Variants in RAB3GAP1 observed in about 807,000 individuals in gnomAD.
The protein encoded by RAB3GAP1 is RAB3 GTPase activating protein catalytic subunit 1.
Under a neutral mutation model 130.7 loss-of-function variants are expected in RAB3GAP1, and 86 were observed. The ratio of observed to expected loss-of-function variants is 0.66; its 90% CI spans 0.55 to 0.79. RAB3GAP1 has a LOEUF of 0.79. Among genes scored for constraint, RAB3GAP1 ranks in the 30% least tolerant of loss-of-function variants. The pLI, the probability that RAB3GAP1 is intolerant of heterozygous loss-of-function variation, is 0.00. For missense variants in RAB3GAP1, 1,029 were observed against 1,169.4 expected, an observed-to-expected ratio of 0.88 and a Z score of 1.75; for synonymous variants, 367 against 401.7, an observed-to-expected ratio of 0.91 and a Z score of 1.03.
At chr2:135,062,748 G>T (rs947013829) in intron 3 of RAB3GAP1, among the ~76,000 whole-genome samples, 1 of 152,122 alleles carries the variant, frequency 6.6e-6, no homozygotes, top group Non-Finnish European at 1.5e-5. Flanking sequence ...TATATCCTTT[G>T]TTAAATTTAT....
At chr2:135,115,860 G>A (rs1690954656) in intron 7 of RAB3GAP1, among the ~76,000 whole-genome samples, 1 of 152,168 alleles carries the variant, frequency 6.6e-6, no homozygotes, top group African/African-American at 2.4e-5. Context: ...GAGCAGCAGG[G>A]CTAAATGGGA....
In RAB3GAP1 at chr2:135,135,716, A is replaced by C. The variant is rs761977924; in HGVS notation, c.1707A>C (p.Gly569=). 18 of 1,613,976 alleles carry C rather than the reference A, an allele frequency of 1.1e-5. 1 individual carries two copies. In the South Asian group the frequency reaches 2.0e-4, roughly 18 times the overall value. The stretch of plus-strand genomic sequence containing the variant: ...TAAAAGAAACAGATAAGGAAAAGGG[A>C]GAGGTAGGAAAATCTTGGGATTCCT... The part of the protein sequence containing the change: ...DNLKETDKEK[G]EVGKSWDSWS... The change falls in exon 17 of 24, where the codon GGA becomes GGC. Residue 569 remains glycine (G), a synonymous_variant. Coordinates refer to ENST00000264158, the MANE Select transcript of RAB3GAP1 (RefSeq NM_012233.3).
At chr2:135,126,458 A>T in intron 10 of RAB3GAP1, 125 bp from the exon 11 acceptor site, 1 of 1,007,614 alleles carries the variant, frequency 9.9e-7, no homozygotes, top group Non-Finnish European at 1.6e-6. Flanking sequence ...GGATAAGAGT[A>T]AGTTTAAGGG....
At chr2:135,146,269 G>A (rs1421642550) in intron 17 of RAB3GAP1, among the ~76,000 whole-genome samples, 1 of 146,756 alleles carries the variant, frequency 6.8e-6, no homozygotes, top group African/African-American at 2.5e-5. Context: ...GCAGTGGTGC[G>A]ATCATGATCT....
At chr2:135,150,911 C>T (rs1341297388) in intron 18 of RAB3GAP1, among the ~76,000 whole-genome samples, 2 of 152,056 alleles carry the variant, frequency 1.3e-5, no homozygotes, top group Admixed American at 6.5e-5. Flanking sequence ...ACAGTGTTTA[C>T]CCTCAGTTAC....
At chr2:135,163,236 A>G in intron 22 of RAB3GAP1, 135 bp downstream of exon 22, 1 of 726,964 alleles carries the variant, frequency 1.4e-6, no homozygotes. Flanking sequence ...GTCTAGAGAC[A>G]GAAATAATTA....
intron 11 of RAB3GAP1, among the ~76,000 whole-genome samples, chr2:135,129,000 A>G (rs1434111861): frequency 6.6e-6 from 1 of 152,050 alleles, no homozygotes; most frequent in Non-Finnish European, 1.5e-5. Flanking sequence ...AAAATACAAA[A>G]ATTAGCTGGG....
rs751352343 is a variant in RAB3GAP1 at position 135,135,295 on chromosome 2, T to G, written c.1530T>G (p.Cys510Trp). 4.3e-6 allele frequency: 7 copies of G among 1,610,874 alleles called. No homozygotes were observed. Among genetic ancestry groups the G allele is most frequent in the Admixed American group, 3.3e-5 (2 of 60,022 alleles). ...GLASGPPDLR[C>W]CLLHQKLQML... Reference sequence around the variant, plus strand: ...CAAGTGGACCCCCAGATCTGAGGTGTTGTTTACTGCATCAGAAACTACAGG... The same window carrying G: ...CAAGTGGACCCCCAGATCTGAGGTGGTGTTTACTGCATCAGAAACTACAGG... Residue 510 changes from cysteine to tryptophan, a missense_variant, in exon 16 of 24, where the codon TGT becomes TGG. Coordinates refer to ENST00000264158, the MANE Select transcript of RAB3GAP1 (RefSeq NM_012233.3).
At chr2:135,120,126 C>T (rs62170243) in intron 7 of RAB3GAP1, among the ~76,000 whole-genome samples, 6,369 of 152,190 alleles carry the variant, frequency 0.042, 160 homozygotes, top group African/African-American at 0.055. Flanking sequence ...AAGTCTTATG[C>T]TTTATAATAC....
intron 3 of RAB3GAP1, among the ~76,000 whole-genome samples, chr2:135,069,306 GCAT>G (rs1689405396): frequency 6.6e-6 from 1 of 152,158 alleles, no homozygotes; most frequent in Non-Finnish European, 1.5e-5. Flanking sequence ...ATTTTTAAAA[GCAT>G]TATACAGAAG....
intron 3 of RAB3GAP1, among the ~76,000 whole-genome samples, chr2:135,080,116 CAAA>C (rs764426198): frequency 1.6e-3 from 114 of 73,300 alleles, no homozygotes; most frequent in African/African-American, 4.5e-3. Context: ...GACTCCGTCT[CAAA>C]AAAAAAAAAA....
chr2:135,148,732 G>A (rs184366813), intron 17 of RAB3GAP1, among the ~76,000 whole-genome samples: 4,100 of 129,652 alleles, frequency 0.032, 91 homozygotes, highest in South Asian at 0.05. Flanking sequence ...GGCTGGGCTC[G>A]AACTCCTGAC....
Position 135,113,201 on chromosome 2 carries a change from C to T in RAB3GAP1, c.413C>T (p.Ala138Val). The T allele has an allele frequency of 6.2e-7, 1 of 1,614,132 alleles. No individual in the cohort carries two copies. Among genetic ancestry groups the T allele is most frequent in the East Asian group, 2.2e-5 (1 of 44,890 alleles). The change falls in exon 6 of 24, where the codon GCT (alanine) becomes GTT (valine). Residue 138 changes from alanine to valine, a missense_variant. Ala to Val is a moderately conservative substitution (Grantham distance 64). Coordinates refer to ENST00000264158, the MANE Select transcript of RAB3GAP1 (RefSeq NM_012233.3). Reference protein sequence around the residue: ...VVIAPAAHSDAVLSESKCNLL... With the variant: ...VVIAPAAHSDVVLSESKCNLL... ...ATTGCCCCTGCTGCACACAGTGACG[C>T]TGTTCTCAGCGAATCTAAGTGCAAC...
chr2:135,162,094 A>G (rs1406472797), intron 19 of RAB3GAP1, among the ~76,000 whole-genome samples: 2 of 152,200 alleles, frequency 1.3e-5, no homozygotes, highest in African/African-American at 4.8e-5. Context: ...TGGAAAAAAA[A>G]TAAACCAAAA....
At chr2:135,083,250 G>T (rs1689878778) in intron 3 of RAB3GAP1, among the ~76,000 whole-genome samples, 1 of 151,944 alleles carries the variant, frequency 6.6e-6, no homozygotes, top group South Asian at 2.1e-4. Context: ...CCACCTTTTG[G>T]TTACTGCGAG....
rs114678854 is a variant in RAB3GAP1 at position 135,142,589 on chromosome 2, A to G, written c.1923+6657A>G. On this transcript the variant is annotated intron_variant, in intron 17 of 23. Transcript: ENST00000264158. ...ACTGGACATTATTCTCTTGTTCCCA[A>G]CCTCAGAAAGAAAGCATATGATAGT... Among the ~76,000 whole-genome samples, 503 of 152,230 alleles carry G rather than the reference A, an allele frequency of 3.3e-3. 5 individuals carry two copies. Among genetic ancestry groups the G allele is most frequent in the South Asian group, 7.7e-3 (37 of 4,814 alleles).
intron 18 of RAB3GAP1, among the ~76,000 whole-genome samples, chr2:135,150,750 A>G (rs1045355868): frequency 2.0e-5 from 3 of 152,230 alleles, no homozygotes; most frequent in South Asian, 4.1e-4. Flanking sequence ...AATCATTTCT[A>G]TATGTGAATT....
At chr2:135,067,128 A>C (rs796355693) in intron 3 of RAB3GAP1, among the ~76,000 whole-genome samples, 169 of 152,320 alleles carry the variant, frequency 1.1e-3, no homozygotes, top group African/African-American at 3.7e-3. Context: ...GACTTATATA[A>C]ACTTTATATA....
intron 7 of RAB3GAP1, among the ~76,000 whole-genome samples, chr2:135,118,084 A>T (rs1221812477): frequency 2.0e-5 from 3 of 152,066 alleles, no homozygotes; most frequent in Admixed American, 2.0e-4. Flanking sequence ...AGGCTCAAGC[A>T]ATCCGCCTGC....
Sources: gnomAD v4.1 joint callset for allele counts (sites outside exome capture counted in the v4.1 genomes callset) on GRCh38, gnomAD v4.1.1 for gene constraint, MANE v1.5 for transcripts, NCBI Gene and HGNC (gene_info 2026-07-23, HGNC 2026-07-21) for gene names.